The following NARS1 variants were observed in gnomAD, a reference collection of about 807,000 sequenced individuals.
The protein encoded by NARS1 is asparagine--tRNA ligase, cytoplasmic.
Under a neutral mutation model 79.2 loss-of-function variants are expected in NARS1, and 65 were observed. The ratio of observed to expected loss-of-function variants is 0.82; its 90% CI spans 0.67 to 1.01. The LOEUF is 1.01. NARS1 is among the 50% of genes least tolerant of loss of function. The probability of loss-of-function intolerance (pLI) is 0.00; values close to 1 mark genes in which losing one functional copy is unlikely to be tolerated. For missense variants in NARS1, 649 were observed against 673.8 expected (o/e 0.96, Z 0.41); for synonymous variants, 229 against 238.8 (o/e 0.96, Z 0.38).
chr18:57,615,918 C>G lies in NARS1; in HGVS notation c.151G>C (p.Glu51Gln). The G allele has an allele frequency of 6.2e-7, 1 of 1,613,290 alleles. No individual in the cohort carries two copies. The highest frequency in any genetic ancestry group is 8.5e-7 in the Non-Finnish European group (1 of 1,179,710). ...GAAATAACATTCCACCTCTCATTTTCTTTTTGTGAATCTACGTAAATGGTA... is the reference window on the plus strand; with the variant it reads ...GAAATAACATTCCACCTCTCATTTTGTTTTTGTGAATCTACGTAAATGGTA... ...FPTIYVDSQK[E>Q]NERWNVISKS... The change falls in exon 3 of 14, where the codon GAA (glutamate) becomes CAA (glutamine). Residue 51 changes from glutamate (E) to glutamine (Q), a missense_variant. Physicochemically the swap from Glu to Gln is conservative, Grantham distance 29. Coordinates refer to ENST00000256854, the MANE Select transcript of NARS1 (RefSeq NM_004539.4).
intron 2 of NARS1, 101 bp downstream of exon 2, chr18:57,620,468 G>C: frequency 1.3e-6 from 1 of 751,616 alleles, no homozygotes; most frequent in Non-Finnish European, 2.3e-6. Flanking sequence ...AATTCTCTTT[G>C]GAACCTAGTG....
At position 57,606,760 on chromosome 18, in the gene NARS1, C is replaced by G. The variant is rs145038520; in HGVS notation, c.1002-9G>C. ...CTTCCACGTGAGTGTACCTGAAGAA[C>G]GAGACAATAGCTCAGCACTGCTTTT... On this transcript the variant is annotated splice_polypyrimidine_tract_variant and intron_variant, in intron 9 of 13. Coordinates refer to ENST00000256854, the MANE Select transcript of NARS1 (RefSeq NM_004539.4). 1,160 of 1,614,010 alleles carry G rather than the reference C, an allele frequency of 7.2e-4. 14 individuals are homozygous for G. The African/African-American group carries it at 0.013, about 18-fold the overall frequency.
intron 4 of NARS1, among the ~76,000 whole-genome samples, chr18:57,615,114 G>A (rs1277079739): frequency 6.6e-6 from 1 of 152,120 alleles, no homozygotes; most frequent in East Asian, 1.9e-4. Flanking sequence ...GTTGCAGTGA[G>A]CAGAAACTGC....
intron 2 of NARS1, among the ~76,000 whole-genome samples, chr18:57,617,074 T>C (rs548900476): frequency 1.4e-4 from 22 of 151,774 alleles, no homozygotes; most frequent in Non-Finnish European, 2.8e-4. Flanking sequence ...GTGTTATATA[T>C]CATTTGATAA....
intron 11 of NARS1, 72 bp from the exon 12 acceptor site, chr18:57,603,015 T>C: frequency 4.0e-6 from 6 of 1,486,220 alleles, no homozygotes; most frequent in Non-Finnish European, 4.6e-6. Flanking sequence ...TCCTTCACCC[T>C]GTACCAGTCC....
chr18:57,606,797 G>A, intron 9 of NARS1, 46 bp from the exon 10 acceptor site: 1 of 1,607,340 alleles, frequency 6.2e-7, no homozygotes. Context: ...TCCTGCACTG[G>A]TTTTTTATCC....
intron 1 of NARS1, among the ~76,000 whole-genome samples, chr18:57,621,102 A>G (rs1218022320): frequency 3.3e-5 from 5 of 152,152 alleles, no homozygotes; most frequent in Admixed American, 2.0e-4. Flanking sequence ...ACACATACAA[A>G]TCAGATATCC....
intron 1 of NARS1, 144 bp from the exon 2 acceptor site, chr18:57,620,795 T>C: frequency 2.0e-6 from 1 of 488,400 alleles, no homozygotes; most frequent in Non-Finnish European, 3.7e-6. Context: ...TCCTAGTTAT[T>C]TCCCCACTCC....
Position 57,611,726 on chromosome 18 carries a change from T to C in NARS1, c.422-19A>G, listed in dbSNP as rs749194257. On this transcript the variant is annotated intron_variant, in intron 5 of 13. Transcript: ENST00000256854. Reference sequence around the variant, plus strand: ...TTCTTTCCTAAAAAATGAGAAATAATAATTTAGGCAGACTGTTCTCAAGGC... The same window carrying C: ...TTCTTTCCTAAAAAATGAGAAATAACAATTTAGGCAGACTGTTCTCAAGGC... 2.7e-6 allele frequency: 4 copies of C among 1,488,994 alleles called. No individual in the cohort carries two copies. Among genetic ancestry groups the C allele is most frequent in the African/African-American group, 2.8e-5 (2 of 70,612 alleles). 92.2% of individuals were successfully genotyped at this position (1,488,994 alleles called of 1,614,324 possible).
chr18:57,613,494 G>C (rs534900107), intron 5 of NARS1, 108 bp downstream of exon 5: 2 of 965,566 alleles, frequency 2.1e-6, no homozygotes, highest in Admixed American at 2.5e-5. Flanking sequence ...CTGTGTCTAA[G>C]AAAAAAAGGG....
At chr18:57,606,864 C>T (rs2051562283) in intron 9 of NARS1, 113 bp from the exon 10 acceptor site, 2 of 1,411,192 alleles carry the variant, frequency 1.4e-6, no homozygotes, top group Non-Finnish European at 1.9e-6. Context: ...GCTACCAATT[C>T]CCAACTTTGC....
chr18:57,619,252 A>G (rs923254610), intron 2 of NARS1, among the ~76,000 whole-genome samples: 1 of 126,470 alleles, frequency 7.9e-6, no homozygotes, highest in Non-Finnish European at 1.6e-5. Context: ...ATACCATACC[A>G]CCATGCCTGG....
At chr18:57,603,219 A>C (rs1452615997) in intron 11 of NARS1, among the ~76,000 whole-genome samples, 2 of 152,144 alleles carry the variant, frequency 1.3e-5, no homozygotes, top group East Asian at 1.9e-4. Flanking sequence ...AAAATAAAAA[A>C]AAAAACAAAA....
In NARS1 at chr18:57,607,200, C is replaced by G; in HGVS notation, c.935G>C (p.Gly312Ala). ...TGACTGAGCAATACAAAAAACATCT[C>G]CCAGGGCTGGGAGGCAGGTCTCCAA... The part of the protein sequence containing the change: ...LYLETCLPAL[G>A]DVFCIAQSYR... Residue 312 changes from glycine (G) to alanine (A), a missense_variant, in exon 9 of 14, where the codon GGA (glycine) becomes GCA (alanine). By Grantham distance (60) the Gly-to-Ala change is moderately conservative. Coordinates refer to ENST00000256854, the MANE Select transcript of NARS1 (RefSeq NM_004539.4). 1 of 1,614,106 alleles carries G rather than the reference C, an allele frequency of 6.2e-7. No homozygotes were observed. Among genetic ancestry groups the G allele is most frequent in the Non-Finnish European group, 8.5e-7 (1 of 1,180,042 alleles).
chr18:57,619,778 CT>C (rs1908226279), intron 2 of NARS1, among the ~76,000 whole-genome samples: 1 of 152,094 alleles, frequency 6.6e-6, no homozygotes, highest in Admixed American at 6.6e-5. Context: ...CAACCTCCAC[CT>C]TCCAGGCTAA....
chr18:57,604,401 A>T (rs977652763), intron 11 of NARS1, among the ~76,000 whole-genome samples: 2 of 152,134 alleles, frequency 1.3e-5, no homozygotes, highest in Non-Finnish European at 2.9e-5. Flanking sequence ...AAAAAAAAAA[A>T]ACCAAAAAAC....
intron 11 of NARS1, among the ~76,000 whole-genome samples, 163 bp downstream of exon 11, chr18:57,605,692 ACT>A (rs1340901466): frequency 6.6e-6 from 1 of 152,008 alleles, no homozygotes; most frequent in African/African-American, 2.4e-5. Flanking sequence ...CCTAAGGCTG[ACT>A]CTGTTAACTC....
At chr18:57,617,327 C>T (rs148424330) in intron 2 of NARS1, among the ~76,000 whole-genome samples, 14,636 of 151,874 alleles carry the variant, frequency 0.096, 815 homozygotes, top group Non-Finnish European at 0.13. Flanking sequence ...AATCCCAGCA[C>T]TTTGTGAGGC....
intron 2 of NARS1, among the ~76,000 whole-genome samples, chr18:57,617,251 T>TC (rs1908082944): frequency 6.6e-6 from 1 of 152,094 alleles, no homozygotes; most frequent in Admixed American, 6.6e-5. Flanking sequence ...ACGGACTTTT[T>TC]CTCAGTTCTA....
Sources: allele counts gnomAD v4.1 joint callset (sites outside exome capture counted in the v4.1 genomes callset), GRCh38; gene constraint gnomAD v4.1.1; transcripts MANE v1.5; gene names NCBI Gene and HGNC (gene_info 2026-07-23, HGNC 2026-07-21).